TCF12: variants seen among roughly 807,000 people sequenced by gnomAD.
TCF12 encodes the protein transcription factor 12.
TCF12 carries 45 observed loss-of-function variants against 86.0 expected under a neutral mutation model. That is an observed-to-expected ratio of 0.52 (90% CI 0.41 to 0.67). The LOEUF is 0.67. TCF12 is among the 30% of genes least tolerant of loss of function. TCF12 has a pLI of 0.00. For synonymous variants in TCF12, 330 were observed against 299.6 expected (o/e 1.10, Z -1.05); for missense variants, 881 against 859.9 (o/e 1.02, Z -0.31).
chr15:56,966,022 T>C (rs2140652796), intron 3 of TCF12, among the ~76,000 whole-genome samples: 1 of 152,320 alleles, frequency 6.6e-6, no homozygotes, highest in Non-Finnish European at 1.5e-5. Flanking sequence ...CATGAATATT[T>C]GTTGTATTTT....
At chr15:56,997,603 T>C (rs1370777407) in intron 3 of TCF12, among the ~76,000 whole-genome samples, 2 of 152,162 alleles carry the variant, frequency 1.3e-5, no homozygotes, top group Non-Finnish European at 2.9e-5. Context: ...AACCTGCACA[T>C]ATACCCCCAG....
intron 5 of TCF12, among the ~76,000 whole-genome samples, chr15:57,114,044 G>C (rs1596595685): frequency 6.6e-6 from 1 of 152,226 alleles, no homozygotes; most frequent in East Asian, 1.9e-4. Context: ...TCTCAATAGG[G>C]GTGGAGGACT....
intron 3 of TCF12, among the ~76,000 whole-genome samples, chr15:57,059,679 C>T (rs1471116653): frequency 4.1e-5 from 5 of 122,372 alleles, no homozygotes; most frequent in Non-Finnish European, 8.0e-5. Context: ...TGATGGTTTA[C>T]TTACTCAAAC....
intron 5 of TCF12, among the ~76,000 whole-genome samples, chr15:57,140,723 AATT>A (rs1449184903): frequency 6.6e-6 from 1 of 152,178 alleles, no homozygotes; most frequent in African/African-American, 2.4e-5. Context: ...ATATAAACAA[AATT>A]ATTTTATTTT....
At chr15:56,923,467 G>A (rs1362108148) in intron 3 of TCF12, among the ~76,000 whole-genome samples, 1 of 152,070 alleles carries the variant, frequency 6.6e-6, no homozygotes, top group Non-Finnish European at 1.5e-5. Context: ...TTCACGTTAT[G>A]GTGAGAGTGA....
intron 5 of TCF12, among the ~76,000 whole-genome samples, chr15:57,119,934 C>T (rs2151284785): frequency 6.6e-6 from 1 of 152,314 alleles, no homozygotes; most frequent in East Asian, 1.9e-4. Context: ...TCAAATATCC[C>T]ATCCTTATTT....
chr15:56,943,309 A>G (rs1295935556), intron 3 of TCF12, among the ~76,000 whole-genome samples: 1 of 152,232 alleles, frequency 6.6e-6, no homozygotes, highest in Non-Finnish European at 1.5e-5. Context: ...CTAATTATAC[A>G]TGATTCTACA....
At chr15:56,940,601 T>TCTC (rs763719271) in intron 3 of TCF12, among the ~76,000 whole-genome samples, 7 of 140,512 alleles carry the variant, frequency 5.0e-5, no homozygotes, top group African/African-American at 1.9e-4. Flanking sequence ...TCCTCCTCCT[T>TCTC]CTCCTCCTTC....
chr15:56,925,348 G>C (rs1420050757), intron 3 of TCF12, among the ~76,000 whole-genome samples: 15 of 144,302 alleles, frequency 1.0e-4, no homozygotes, highest in Non-Finnish European at 3.0e-5. Context: ...TATATAGTGA[G>C]GCATACCTAC....
At chr15:56,935,876 C>T (rs571267395) in intron 3 of TCF12, among the ~76,000 whole-genome samples, 58 of 152,202 alleles carry the variant, frequency 3.8e-4, no homozygotes, top group African/African-American at 1.3e-3. Context: ...TATATATATA[C>T]AGTTTCTTTA....
At chr15:57,039,200 G>GT (rs1475705483) in intron 3 of TCF12, among the ~76,000 whole-genome samples, 4 of 152,138 alleles carry the variant, frequency 2.6e-5, no homozygotes, top group Non-Finnish European at 5.9e-5. Context: ...TTGTATAAGG[G>GT]TTGAGTGAAC....
chr15:57,119,754 G>A (rs891056108), intron 5 of TCF12, among the ~76,000 whole-genome samples: 19 of 152,090 alleles, frequency 1.2e-4, no homozygotes, highest in African/African-American at 4.3e-4. Flanking sequence ...GTAAATATTC[G>A]TCATGTGATC....
chr15:56,937,326 C>T (rs1287167269), intron 3 of TCF12, among the ~76,000 whole-genome samples: 3 of 150,248 alleles, frequency 2.0e-5, no homozygotes, highest in African/African-American at 4.9e-5. Flanking sequence ...AATTTGTATA[C>T]GTTAATTTTG....
chr15:57,095,988 A>G (rs1256011738), intron 5 of TCF12, among the ~76,000 whole-genome samples: 12 of 152,200 alleles, frequency 7.9e-5, no homozygotes, highest in African/African-American at 2.9e-4. Context: ...GTTAAAACTA[A>G]ATGTAGAACT....
intron 3 of TCF12, among the ~76,000 whole-genome samples, chr15:57,039,168 G>T (rs998387331): frequency 6.6e-6 from 1 of 152,112 alleles, no homozygotes; most frequent in Non-Finnish European, 1.5e-5. Flanking sequence ...TTGTTTAAAG[G>T]TACATTGAAG....
In TCF12 at chr15:56,921,220, CAA is replaced by C. The variant is rs1400746463; in HGVS notation, c.148+123_148+124del. Reference sequence around the variant, plus strand: ...ATGTATATAAAAGATGGAATTGAGTCAAGTGATAATTAGTAAGATTTATTAAT... The same window carrying C: ...ATGTATATAAAAGATGGAATTGAGTCGTGATAATTAGTAAGATTTATTAAT... On this transcript the variant is annotated intron_variant, in intron 3 of 20. Transcript: ENST00000333725. 8 of 559,396 alleles carry C rather than the reference CAA, an allele frequency of 1.4e-5. No individual in the cohort carries two copies. The East Asian group carries it at 1.5e-4, about 10-fold the overall frequency. The allele number at this position is 559,396 out of a possible 1,614,324, so 34.7% of individuals were successfully genotyped here.
At chr15:56,980,055 T>G (rs2062813298) in intron 3 of TCF12, among the ~76,000 whole-genome samples, 2 of 152,172 alleles carry the variant, frequency 1.3e-5, no homozygotes, top group South Asian at 4.1e-4. Flanking sequence ...ATTGTTCATT[T>G]ATAAGTCAAG....
chr15:57,223,643 GT>G lies in TCF12; in HGVS notation c.580-7481del, dbSNP rs550493641. On this transcript the variant is annotated intron_variant, in intron 8 of 20. Coordinates refer to ENST00000333725, the MANE Select transcript of TCF12 (RefSeq NM_207037.2). The stretch of plus-strand genomic sequence containing the variant: ...GTTTTGGCACCTGCCTACCAATGAG[GT>G]TTTTTTTTTTTTTTTTTTTTTTTTT... Among the ~76,000 whole-genome samples the G allele has an allele frequency of 5.0e-3, 346 of 69,666 alleles. 3 individuals carry two copies. Among genetic ancestry groups the G allele is most frequent in the East Asian group, 0.029 (57 of 1,984 alleles). 45.7% of individuals were successfully genotyped at this position (69,666 alleles called of 152,430 possible).
Position 57,287,751 on chromosome 15 carries a change from T to C in TCF12, c.*1606T>C, listed in dbSNP as rs1181954126. 1 of 152,674 alleles carries C rather than the reference T, an allele frequency of 6.5e-6. No homozygotes were observed. The highest frequency in any genetic ancestry group is 6.5e-5 in the Admixed American group (1 of 15,282). The allele number at this position is 152,674 out of a possible 1,614,324, so 9.5% of individuals were successfully genotyped here. A position where few individuals can be genotyped will look rare whatever the true frequency, so the allele number is the denominator to read the frequency against. On this transcript the variant is annotated 3_prime_UTR_variant, in exon 21 of 21. Coordinates refer to ENST00000333725, the MANE Select transcript of TCF12 (RefSeq NM_207037.2). ...AAAAACAAGACAGAACTTCTGGTACTCTAATCAGGATGATTCCTAACAAGT... is the reference window on the plus strand; with the variant it reads ...AAAAACAAGACAGAACTTCTGGTACCCTAATCAGGATGATTCCTAACAAGT...
Sources: allele counts gnomAD v4.1 joint callset (sites outside exome capture counted in the v4.1 genomes callset), GRCh38; gene constraint gnomAD v4.1.1; transcripts MANE v1.5; gene names NCBI Gene and HGNC (gene_info 2026-07-23, HGNC 2026-07-21).